Variants in IL34 observed in about 807,000 individuals in gnomAD.
IL34 encodes the protein interleukin 34, also known as interleukin-34.
A neutral mutation model predicts 25.3 loss-of-function variants in IL34; 17 were observed. The observed-to-expected ratio is 0.67, with a 90% CI of 0.46 to 1.01. The LOEUF (loss-of-function observed/expected upper bound fraction) is 1.01. Ranked by LOEUF, IL34 falls within the 50% of genes least tolerant of loss-of-function variation. The probability of loss-of-function intolerance (pLI) is 0.00; values close to 1 mark genes in which losing one functional copy is unlikely to be tolerated. For synonymous variants in IL34, 174 were observed against 140.9 expected (o/e 1.23, Z -1.66); for missense variants, 368 against 312.9 (o/e 1.18, Z -1.33).
chr16:70,629,948 A>T (rs1271088357), intron 1 of IL34, among the ~76,000 whole-genome samples: 1 of 151,148 alleles, frequency 6.6e-6, no homozygotes, highest in Non-Finnish European at 1.5e-5. Context: ...ACTAGCTCTT[A>T]TTCATTCTGT....
intron 1 of IL34, among the ~76,000 whole-genome samples, chr16:70,648,107 G>C (rs1032842733): frequency 5.3e-5 from 8 of 152,332 alleles, no homozygotes; most frequent in Non-Finnish European, 1.2e-4. Context: ...CCCATAGCAG[G>C]CAGCCCTGGA....
intron 1 of IL34, among the ~76,000 whole-genome samples, chr16:70,609,788 A>G (rs2051063951): frequency 6.6e-6 from 1 of 152,168 alleles, no homozygotes; most frequent in East Asian, 1.9e-4. Flanking sequence ...CAGCAACCCC[A>G]TGAGGCTGGC....
intron 1 of IL34, among the ~76,000 whole-genome samples, chr16:70,639,049 G>T (rs7193968): frequency 1.3e-5 from 2 of 152,020 alleles, no homozygotes; most frequent in Non-Finnish European, 2.9e-5. Context: ...GTGATTCTGT[G>T]GCTTGTAAAG....
chr16:70,625,232 G>A (rs1284250677), intron 1 of IL34, among the ~76,000 whole-genome samples: 3 of 151,882 alleles, frequency 2.0e-5, no homozygotes, highest in Admixed American at 2.0e-4. Context: ...AATGGATGGT[G>A]GAAGGTTGCC....
intron 1 of IL34, among the ~76,000 whole-genome samples, chr16:70,618,255 G>C (rs2051205206): frequency 6.6e-6 from 1 of 152,004 alleles, no homozygotes; most frequent in African/African-American, 2.4e-5. Context: ...ATCAGGGTGA[G>C]GAACAGGAAA....
At chr16:70,629,493 CCTT>C (rs2051469619) in intron 1 of IL34, among the ~76,000 whole-genome samples, 1 of 152,114 alleles carries the variant, frequency 6.6e-6, no homozygotes, top group Non-Finnish European at 1.5e-5. Flanking sequence ...CGCTCAGGTC[CCTT>C]ATGTAAAATG....
At chr16:70,605,924 G>A (rs1014155470) in intron 1 of IL34, among the ~76,000 whole-genome samples, 4 of 149,352 alleles carry the variant, frequency 2.7e-5, no homozygotes, top group South Asian at 2.1e-4. Context: ...CACCTGCCTC[G>A]GTATCCCAAA....
intron 4 of IL34, among the ~76,000 whole-genome samples, chr16:70,657,753 C>T (rs2052270573): frequency 6.6e-6 from 1 of 152,036 alleles, no homozygotes. Flanking sequence ...CCAGCTTGGG[C>T]AACAAGAACG....
intron 1 of IL34, among the ~76,000 whole-genome samples, chr16:70,627,764 T>A (rs1287953971): frequency 2.0e-5 from 3 of 152,194 alleles, no homozygotes; most frequent in Non-Finnish European, 4.4e-5. Context: ...CCAGTGTGCC[T>A]GGCCCTTATT....
intron 1 of IL34, among the ~76,000 whole-genome samples, chr16:70,582,648 G>A (rs2050648271): frequency 6.6e-6 from 1 of 152,254 alleles, no homozygotes; most frequent in Admixed American, 6.5e-5. Flanking sequence ...GCACTCCAGA[G>A]CCTTCAGGAA....
In IL34 at chr16:70,660,191, C is replaced by A; in HGVS notation, c.*4C>A. The A allele has an allele frequency of 6.4e-7, 1 of 1,562,594 alleles. No individual in the cohort carries two copies. Among genetic ancestry groups the A allele is most frequent in the Non-Finnish European group, 8.6e-7 (1 of 1,156,490 alleles). ...GGGCGAGGGCCTCTTGCCCTGAGCA[C>A]CCTGGATGGTGACTGCGGATAGGGG... On this transcript the variant is annotated 3_prime_UTR_variant, in exon 6 of 6. Coordinates refer to ENST00000288098, the MANE Select transcript of IL34 (RefSeq NM_001393494.1).
chr16:70,621,580 G>A (rs1456718935), intron 1 of IL34, among the ~76,000 whole-genome samples: 4 of 152,082 alleles, frequency 2.6e-5, no homozygotes, highest in African/African-American at 9.7e-5. Flanking sequence ...TCCCAAGGGA[G>A]GTCCCCCGAT....
At chr16:70,627,389 A>G (rs2051417386) in intron 1 of IL34, among the ~76,000 whole-genome samples, 1 of 146,774 alleles carries the variant, frequency 6.8e-6, no homozygotes. Flanking sequence ...ATCCCCAAAC[A>G]CTCACTATCC....
intron 1 of IL34, among the ~76,000 whole-genome samples, chr16:70,615,716 T>A (rs2051163345): frequency 6.6e-6 from 1 of 152,152 alleles, no homozygotes; most frequent in Non-Finnish European, 1.5e-5. Context: ...TTTGGGAGTC[T>A]GAGGTGGGGC....
At chr16:70,648,679 G>A (rs751816952) in intron 1 of IL34, among the ~76,000 whole-genome samples, 23 of 151,992 alleles carry the variant, frequency 1.5e-4, no homozygotes, top group Non-Finnish European at 2.9e-4. Flanking sequence ...ATGAGGGAGA[G>A]GGAGAGCAGC....
intron 1 of IL34, among the ~76,000 whole-genome samples, chr16:70,632,387 A>G (rs1175920377): frequency 1.3e-5 from 2 of 152,208 alleles, no homozygotes; most frequent in Non-Finnish European, 2.9e-5. Context: ...AAGCAAAATA[A>G]TGAAGTTAAA....
At chr16:70,640,150 G>C (rs61678227) in intron 1 of IL34, among the ~76,000 whole-genome samples, 1 of 151,980 alleles carries the variant, frequency 6.6e-6, no homozygotes, top group African/African-American at 2.4e-5. Context: ...GTTTTCTTTT[G>C]TTTTGCTTTG....
intron 1 of IL34, among the ~76,000 whole-genome samples, chr16:70,649,684 A>G (rs1229232098): frequency 1.3e-5 from 2 of 152,218 alleles, no homozygotes; most frequent in Non-Finnish European, 2.9e-5. Context: ...GACAAGCCTC[A>G]CTTGTCACTG....
At chr16:70,627,069 C>T (rs1213156366) in intron 1 of IL34, among the ~76,000 whole-genome samples, 1 of 151,958 alleles carries the variant, frequency 6.6e-6, no homozygotes, top group Non-Finnish European at 1.5e-5. Flanking sequence ...CTCAGGGGAT[C>T]CTTCCACCTC....
Sources: gnomAD v4.1 joint callset for allele counts (sites outside exome capture counted in the v4.1 genomes callset) on GRCh38, gnomAD v4.1.1 for gene constraint, MANE v1.5 for transcripts, NCBI Gene and HGNC (gene_info 2026-07-23, HGNC 2026-07-21) for gene names.